The following IKZF1 variants were observed in gnomAD, a reference collection of about 807,000 sequenced individuals.
IKZF1 encodes DNA-binding protein Ikaros.
In IKZF1, 10 loss-of-function variants were observed where a neutral mutation model predicts 51.7. The ratio of observed to expected loss-of-function variants is 0.19; its 90% CI spans 0.12 to 0.33. IKZF1 has a LOEUF of 0.33. Ranked by LOEUF, IKZF1 falls within the 10% of genes least tolerant of loss-of-function variation. The pLI is 1.00. For synonymous variants in IKZF1, 280 were observed against 282.3 expected (o/e 0.99, Z 0.08); for missense variants, 484 against 707.5 (o/e 0.68, Z 3.58).
chr7:50,404,075 C>A lies in IKZF1; in HGVS notation c.*3448C>A, dbSNP rs1270741560. ...ATGTACAGGCATCAGAAAAAAGAAG[C>A]ACATAATGCTTTTGGTGCGATGGCA... On this transcript the variant is annotated 3_prime_UTR_variant, in exon 8 of 8. Coordinates refer to ENST00000331340, the MANE Select transcript of IKZF1 (RefSeq NM_006060.6). 1 of 215,076 alleles carries A rather than the reference C, an allele frequency of 4.6e-6. No individual in the cohort carries two copies. Among genetic ancestry groups the A allele is most frequent in the Non-Finnish European group, 9.4e-6 (1 of 106,318 alleles). The allele number at this position is 215,076 out of a possible 1,614,324, so 13.3% of individuals were successfully genotyped here. A position where few individuals can be genotyped will look rare whatever the true frequency, so the allele number is the denominator to read the frequency against.
At chr7:50,344,619 G>A (rs1407584984) in intron 3 of IKZF1, among the ~76,000 whole-genome samples, 1 of 152,178 alleles carries the variant, frequency 6.6e-6, no homozygotes, top group Non-Finnish European at 1.5e-5. Context: ...CCGTTATTTT[G>A]TACCTCATGT....
intron 3 of IKZF1, among the ~76,000 whole-genome samples, chr7:50,335,617 T>C (rs1476395616): frequency 6.6e-6 from 1 of 150,810 alleles, no homozygotes; most frequent in East Asian, 1.9e-4. Flanking sequence ...ATGTGTGTTA[T>C]ATGTGTATGG....
intron 3 of IKZF1, among the ~76,000 whole-genome samples, chr7:50,332,949 C>G (rs1370105715): frequency 1.3e-5 from 2 of 152,088 alleles, no homozygotes; most frequent in African/African-American, 4.8e-5. Context: ...TTTCAGCTTG[C>G]ATCTCACAGT....
chr7:50,338,270 A>G (rs1208094832), intron 3 of IKZF1, among the ~76,000 whole-genome samples: 1 of 152,244 alleles, frequency 6.6e-6, no homozygotes, highest in East Asian at 1.9e-4. Context: ...TACACTCAAG[A>G]TCACATTGAA....
intron 1 of IKZF1, among the ~76,000 whole-genome samples, chr7:50,316,673 A>G (rs879912360): frequency 1.3e-5 from 2 of 152,264 alleles, no homozygotes; most frequent in Admixed American, 6.5e-5. Context: ...GCAGTTTGTC[A>G]GGATTCCGGC....
At chr7:50,353,815 G>C (rs760086130) in intron 3 of IKZF1, among the ~76,000 whole-genome samples, 1 of 152,200 alleles carries the variant, frequency 6.6e-6, no homozygotes, top group Non-Finnish European at 1.5e-5. Context: ...CTCTCCAGGA[G>C]TATCACATTT....
intron 1 of IKZF1, among the ~76,000 whole-genome samples, chr7:50,315,516 CA>C (rs1186510525): frequency 6.6e-6 from 1 of 152,086 alleles, no homozygotes; most frequent in African/African-American, 2.4e-5. Context: ...CTGCATGCTC[CA>C]AAAAAACAAT....
At chr7:50,361,830 C>T (rs1805340217) in intron 3 of IKZF1, among the ~76,000 whole-genome samples, 1 of 152,048 alleles carries the variant, frequency 6.6e-6, no homozygotes, top group Admixed American at 6.5e-5. Flanking sequence ...GAGCCAAGAT[C>T]ATGCCACTGC....
intron 6 of IKZF1, 59 bp downstream of exon 6, chr7:50,387,529 G>A (rs1210197778): frequency 1.3e-6 from 2 of 1,543,436 alleles, no homozygotes; most frequent in African/African-American, 1.4e-5. Context: ...CGGTGGGGAA[G>A]GAGGGCGCTC....
chr7:50,320,230 G>A (rs1326633824), intron 2 of IKZF1, among the ~76,000 whole-genome samples: 2 of 151,964 alleles, frequency 1.3e-5, no homozygotes, highest in South Asian at 2.1e-4. Flanking sequence ...TAATTCTCAT[G>A]AATGAGAATT....
rs143119914 is a variant in IKZF1 at position 50,366,349 on chromosome 7, C to T, written c.161-10184C>T. Reference sequence around the variant, plus strand: ...AAGTGGGAAGTGTCTTGACAGAATTCGGTGTTTCAAGGCTTACACTTTGAT... The same window carrying T: ...AAGTGGGAAGTGTCTTGACAGAATTTGGTGTTTCAAGGCTTACACTTTGAT... On this transcript the variant is annotated intron_variant, in intron 3 of 7. Transcript: ENST00000331340. 1.0e-3 allele frequency among the ~76,000 whole-genome samples: 155 copies of T among 152,286 alleles called. 1 individual carries two copies. Among genetic ancestry groups the T allele is most frequent in the African/African-American group, 3.4e-3 (141 of 41,558 alleles).
chr7:50,400,175 G>A lies in IKZF1; in HGVS notation c.1108G>A (p.Val370Met), dbSNP rs779769920. 1.9e-6 allele frequency: 3 copies of A among 1,566,440 alleles called. No homozygotes were observed. The highest frequency in any genetic ancestry group is 1.9e-5 in the Admixed American group (1 of 52,604). Reference protein sequence around the residue: ...RSNHSAQDSAVENLLLLSKAK... With the variant: ...RSNHSAQDSAMENLLLLSKAK... The stretch of plus-strand genomic sequence containing the variant: ...CAACCACTCGGCCCAGGACAGCGCC[G>A]TGGAGAACCTGCTGCTGCTCTCCAA... The change falls in exon 8 of 8, where the codon GTG (valine) becomes ATG (methionine). Residue 370 changes from valine (V) to methionine (M), a missense_variant. Physicochemically the swap from Val to Met is conservative, Grantham distance 21. Transcript: ENST00000331340. This position sits in a 1 kb window ranked among gnomAD's most constrained non-coding sequence, Gnocchi z 5.4.
chr7:50,304,969 G>T (rs1480279453), intron 1 of IKZF1, 47 bp downstream of exon 1: 1 of 151,988 alleles, frequency 6.6e-6, no homozygotes, highest in Non-Finnish European at 1.5e-5. Flanking sequence ...TGGGGTAACT[G>T]GTGAATTTAA....
At chr7:50,309,455 C>T (rs1226793143) in intron 1 of IKZF1, among the ~76,000 whole-genome samples, 2 of 152,150 alleles carry the variant, frequency 1.3e-5, no homozygotes, top group African/African-American at 4.8e-5. Flanking sequence ...TCCTGTCCTT[C>T]CCTTCCCTTC....
chr7:50,357,692 A>G (rs527518643), intron 3 of IKZF1, among the ~76,000 whole-genome samples: 1 of 152,278 alleles, frequency 6.6e-6, no homozygotes, highest in South Asian at 2.1e-4. Context: ...CCCAAGTTGG[A>G]GATGGTCCTC....
intron 3 of IKZF1, among the ~76,000 whole-genome samples, chr7:50,350,190 A>T (rs1027418856): frequency 2.6e-5 from 4 of 152,176 alleles, no homozygotes; most frequent in African/African-American, 9.7e-5. Flanking sequence ...GCACATGTTG[A>T]TGCTGTATCC....
intron 3 of IKZF1, among the ~76,000 whole-genome samples, chr7:50,349,425 A>AT (rs1464446684): frequency 6.6e-6 from 1 of 152,224 alleles, no homozygotes; most frequent in African/African-American, 2.4e-5. Flanking sequence ...TTTTTAGAAG[A>AT]TAGGACGTGT....
chr7:50,322,026 G>T (rs181292836), intron 2 of IKZF1, among the ~76,000 whole-genome samples: 1 of 152,150 alleles, frequency 6.6e-6, no homozygotes, highest in African/African-American at 2.4e-5. Flanking sequence ...TAACCTTTGA[G>T]CACTCTACGT....
intron 1 of IKZF1, chr7:50,308,542 G>T (rs1789359773): frequency 6.6e-6 from 1 of 152,208 alleles, no homozygotes; most frequent in Non-Finnish European, 1.5e-5. Flanking sequence ...TTGACTAAAA[G>T]AGCACCCTTT....
Sources: gnomAD v4.1 joint callset for allele counts (sites outside exome capture counted in the v4.1 genomes callset) on GRCh38, gnomAD v4.1.1 for gene constraint, Gnocchi (gnomAD v3.1) non-coding constraint, MANE v1.5 for transcripts, NCBI Gene and HGNC (gene_info 2026-07-23, HGNC 2026-07-21) for gene names.